Variants in UCHL5 observed in about 807,000 individuals in gnomAD.
The protein encoded by UCHL5 is ubiquitin carboxyl-terminal hydrolase isozyme L5.
In UCHL5, 34 loss-of-function variants were observed where a neutral mutation model predicts 53.8. That is an observed-to-expected ratio of 0.63 (90% CI 0.48 to 0.84). The LOEUF (loss-of-function observed/expected upper bound fraction) is 0.84. UCHL5 is among the 40% of genes least tolerant of loss of function. The probability of loss-of-function intolerance (pLI) is 0.00; values close to 1 mark genes in which losing one functional copy is unlikely to be tolerated. For synonymous variants in UCHL5, 111 were observed against 126.3 expected (o/e 0.88, Z 0.81); for missense variants, 290 against 385.6 (o/e 0.75, Z 2.08).
chr1:193,032,789 C>T (rs779156642), intron 3 of UCHL5, among the ~76,000 whole-genome samples: 1 of 152,230 alleles, frequency 6.6e-6, no homozygotes, highest in Non-Finnish European at 1.5e-5. Context: ...CTCATCATCA[C>T]TGGTCATTAG....
chr1:193,013,818 C>T lies in UCHL5; in HGVS notation c.*2533G>A, dbSNP rs1016701164. On this transcript the variant is annotated 3_prime_UTR_variant, in exon 11 of 11. Transcript: ENST00000367454. Reference sequence around the variant, plus strand: ...GGTCCTAACTGGGGGAGCAAGTCCCCGTGGTTGTGATTCCCGAGCAAATAT... The same window carrying T: ...GGTCCTAACTGGGGGAGCAAGTCCCTGTGGTTGTGATTCCCGAGCAAATAT... 20 of 152,112 alleles carry T rather than the reference C, an allele frequency of 1.3e-4. No individual in the cohort carries two copies. The highest frequency in any genetic ancestry group is 4.4e-5 in the Non-Finnish European group (3 of 68,018). 9.4% of individuals were successfully genotyped at this position (152,112 alleles called of 1,614,324 possible). A position where few individuals can be genotyped will look rare whatever the true frequency, so the allele number is the denominator to read the frequency against.
At chr1:193,041,977 T>G (rs1181870735) in intron 3 of UCHL5, among the ~76,000 whole-genome samples, 1 of 151,772 alleles carries the variant, frequency 6.6e-6, no homozygotes, top group Non-Finnish European at 1.5e-5. Context: ...TATAAAAAAT[T>G]AGCAGGGTAT....
At chr1:193,032,612 G>A (rs1661866563) in intron 3 of UCHL5, among the ~76,000 whole-genome samples, 1 of 152,022 alleles carries the variant, frequency 6.6e-6, no homozygotes, top group Non-Finnish European at 1.5e-5. Context: ...GGAAGAAAAT[G>A]TTTGCAATCT....
chr1:193,027,935 C>A, intron 7 of UCHL5, 150 bp downstream of exon 7: 1 of 1,473,748 alleles, frequency 6.8e-7, no homozygotes, highest in Admixed American at 2.5e-5. Context: ...CCAGCCTGGG[C>A]AACATGGTGA....
chr1:193,052,981 G>A (rs1669550854), intron 1 of UCHL5, among the ~76,000 whole-genome samples: 1 of 152,120 alleles, frequency 6.6e-6, no homozygotes, highest in Non-Finnish European at 1.5e-5. Flanking sequence ...AAAAAAAGTT[G>A]GGTAAACTAA....
chr1:193,037,690 G>A lies in UCHL5; in HGVS notation c.247-8033C>T, dbSNP rs138618013. The stretch of plus-strand genomic sequence containing the variant: ...GACACAACAAAAAAACTACAGACCA[G>A]TATCACTGATGATAATAGATGCAAA... On this transcript the variant is annotated intron_variant, in intron 3 of 10. Coordinates refer to ENST00000367454, the MANE Select transcript of UCHL5 (RefSeq NM_001199261.3). 2.4e-3 allele frequency among the ~76,000 whole-genome samples: 359 copies of A among 152,150 alleles called. 3 individuals are homozygous for A. Among genetic ancestry groups the A allele is most frequent in the African/African-American group, 8.1e-3 (335 of 41,538 alleles).
At chr1:193,036,705 G>C (rs1247809339) in intron 3 of UCHL5, among the ~76,000 whole-genome samples, 1 of 151,922 alleles carries the variant, frequency 6.6e-6, no homozygotes, top group Admixed American at 6.6e-5. Context: ...TCAGCATATG[G>C]ATATCCAGCA....
At position 193,059,147 on chromosome 1, in the gene UCHL5, C is replaced by A; in HGVS notation, c.76+38G>T. 1 of 1,507,880 alleles carries A rather than the reference C, an allele frequency of 6.6e-7. No individual in the cohort carries two copies. Among genetic ancestry groups the A allele is most frequent in the Non-Finnish European group, 8.9e-7 (1 of 1,122,312 alleles). 93.4% of individuals were successfully genotyped at this position (1,507,880 alleles called of 1,614,324 possible). A position where few individuals can be genotyped will look rare whatever the true frequency, so the allele number is the denominator to read the frequency against. ...TCCATGCCCAGCTTGGGCCTCCTCC[C>A]GTGACCCCAGGCCCAGGACGGTCCC... On this transcript the variant is annotated intron_variant, in intron 1 of 10. Coordinates refer to ENST00000367454, the MANE Select transcript of UCHL5 (RefSeq NM_001199261.3). This position sits in a 1 kb window ranked among gnomAD's most constrained non-coding sequence, Gnocchi z 4.9.
Position 193,016,186 on chromosome 1 carries a change from G to A in UCHL5, c.*165C>T. The A allele has an allele frequency of 1.4e-6, 1 of 697,374 alleles. No homozygotes were observed. The highest frequency in any genetic ancestry group is 1.8e-5 in the South Asian group (1 of 55,298). 43.2% of individuals were successfully genotyped at this position (697,374 alleles called of 1,614,324 possible). A position where few individuals can be genotyped will look rare whatever the true frequency, so the allele number is the denominator to read the frequency against. ...ATATGCACTACATGCACATGATGCA[G>A]GTAGGGAAGAAGTTTATGAATCCAT... On this transcript the variant is annotated 3_prime_UTR_variant, in exon 11 of 11. Coordinates refer to ENST00000367454, the MANE Select transcript of UCHL5 (RefSeq NM_001199261.3).
intron 2 of UCHL5, among the ~76,000 whole-genome samples, chr1:193,050,570 T>C (rs907803325): frequency 1.3e-5 from 2 of 151,514 alleles, no homozygotes; most frequent in Non-Finnish European, 2.9e-5. Context: ...ACATCTCTAC[T>C]AAAAAAACAA....
intron 3 of UCHL5, among the ~76,000 whole-genome samples, chr1:193,040,625 C>CAAT (rs573651035): frequency 1.2e-3 from 176 of 152,262 alleles, no homozygotes; most frequent in Non-Finnish European, 2.0e-3. Context: ...TATAATCCAG[C>CAAT]AATCCACTAC....
At chr1:193,018,491 G>C in intron 10 of UCHL5, 5 of 1,046,884 alleles carry the variant, frequency 4.8e-6, no homozygotes, top group Non-Finnish European at 5.8e-6. Context: ...TATATTTTTG[G>C]ATTACCTCCT....
At chr1:193,059,474 C>G, upstream of UCHL5, 2 of 1,606,806 alleles carry the variant, frequency 1.2e-6, no homozygotes, top group Non-Finnish European at 1.7e-6. This position sits in a 1 kb window ranked among gnomAD's most constrained non-coding sequence, Gnocchi z 4.9. Flanking sequence ...AAACTCTTCC[C>G]AGGCCTTGCA....
At chr1:193,041,542 A>G (rs183646442) in intron 3 of UCHL5, among the ~76,000 whole-genome samples, 1 of 152,334 alleles carries the variant, frequency 6.6e-6, no homozygotes, top group African/African-American at 2.4e-5. Flanking sequence ...TGCAAATTTG[A>G]ACAGCTACTT....
chr1:193,024,255 C>CA (rs1032719791), intron 7 of UCHL5, among the ~76,000 whole-genome samples: 10 of 148,686 alleles, frequency 6.7e-5, no homozygotes, highest in African/African-American at 2.2e-4. Context: ...AAAAAAAAAA[C>CA]AAAAAAAAGC....
At position 193,014,087 on chromosome 1, in the gene UCHL5, A is replaced by G. The variant is rs1468554201; in HGVS notation, c.*2264T>C. ...AAAGACTAAATATGAAATGAGCAAG[A>G]TTTTCTATAAAATATCATTTAAAAA... On this transcript the variant is annotated 3_prime_UTR_variant, in exon 11 of 11. Transcript: ENST00000367454. 1 of 152,016 alleles carries G rather than the reference A, an allele frequency of 6.6e-6. No homozygotes were observed. The highest frequency in any genetic ancestry group is 6.6e-5 in the Admixed American group (1 of 15,250). 9.4% of individuals were successfully genotyped at this position (152,016 alleles called of 1,614,324 possible). A position where few individuals can be genotyped will look rare whatever the true frequency, so the allele number is the denominator to read the frequency against.
chr1:193,035,836 A>G (rs1338880868), intron 3 of UCHL5, among the ~76,000 whole-genome samples: 2 of 152,104 alleles, frequency 1.3e-5, no homozygotes, highest in Non-Finnish European at 2.9e-5. Flanking sequence ...CAAAACACAA[A>G]GTCAAAATAT....
At chr1:193,018,797 C>A in intron 10 of UCHL5, 2 of 1,558,742 alleles carry the variant, frequency 1.3e-6, no homozygotes, top group African/African-American at 1.4e-5. Flanking sequence ...CCTTCTCACA[C>A]CTTGTTCTTT....
At chr1:193,047,033 C>T (rs1667552088) in intron 3 of UCHL5, among the ~76,000 whole-genome samples, 1 of 151,962 alleles carries the variant, frequency 6.6e-6, no homozygotes, top group Non-Finnish European at 1.5e-5. Flanking sequence ...TTCTAGGCCT[C>T]AATTTCTTCA....
Sources: gnomAD v4.1 joint callset for allele counts (sites outside exome capture counted in the v4.1 genomes callset) on GRCh38, gnomAD v4.1.1 for gene constraint, Gnocchi (gnomAD v3.1) non-coding constraint, MANE v1.5 for transcripts, NCBI Gene and HGNC (gene_info 2026-07-23, HGNC 2026-07-21) for gene names.